The following POLR3D variants were observed in gnomAD, a reference collection of about 807,000 sequenced individuals.
POLR3D encodes the protein RNA polymerase III subunit D.
In POLR3D, 42 loss-of-function variants were observed where a neutral mutation model predicts 44.5. The ratio of observed to expected loss-of-function variants is 0.94; its 90% confidence interval spans 0.74 to 1.22. POLR3D has a LOEUF of 1.22. Ranked by LOEUF, POLR3D falls within the 50% of genes most tolerant of loss-of-function variation. The pLI, the probability that POLR3D is intolerant of heterozygous loss-of-function variation, is 0.00. For synonymous variants in POLR3D, 217 were observed against 198.1 expected (o/e 1.10, Z -0.80); for missense variants, 507 against 505.2 (o/e 1.00, Z -0.03).
Position 22,248,050 on chromosome 8 carries a change from A to G in POLR3D, c.361+42A>G, listed in dbSNP as rs753955410. ...AGTGAATTTCAGTTCAGACTGCCCC[A>G]GAGAAGGGCGAGAACAGTGGAATTT... On this transcript the variant is annotated intron_variant, in intron 4 of 8. Transcript: ENST00000306433. The G allele has an allele frequency of 5.0e-6, 8 of 1,608,672 alleles. No individual in the cohort carries two copies. The East Asian group carries it at 8.9e-5, about 18-fold the overall frequency.
chr8:22,250,753 A>C lies in POLR3D; in HGVS notation c.*235A>C, dbSNP rs146572929. The C allele has an allele frequency of 1.3e-3, 730 of 549,212 alleles. 7 individuals are homozygous for C. The highest frequency in any genetic ancestry group is 0.012 in the African/African-American group (628 of 52,796). The allele number at this position is 549,212 out of a possible 1,614,324, so 34.0% of individuals were successfully genotyped here. ...TTGCTGCTGGGGACTTGGCCCTGCT[A>C]TTTATTTTTGTATTTATGTCTTAAT... On this transcript the variant is annotated 3_prime_UTR_variant, in exon 9 of 9. Coordinates refer to ENST00000306433, the MANE Select transcript of POLR3D (RefSeq NM_001722.3).
chr8:22,246,538 C>T (rs1042615759), intron 2 of POLR3D, among the ~76,000 whole-genome samples: 2 of 151,812 alleles, frequency 1.3e-5, no homozygotes, highest in Admixed American at 1.3e-4. Context: ...CTCCGCCTCC[C>T]GGGTTCAAGC....
At position 22,250,540 on chromosome 8, in the gene POLR3D, G is replaced by T; in HGVS notation, c.*22G>T. On this transcript the variant is annotated 3_prime_UTR_variant, in exon 9 of 9. Transcript: ENST00000306433. ...GTAAAATGAGCAGGTGGAGGAGGAC[G>T]GCGCCTGTGCCCACGGCTGCTGCCT... 6.2e-7 allele frequency: 1 copy of T among 1,613,890 alleles called. No individual in the cohort carries two copies. The highest frequency in any genetic ancestry group is 2.2e-5 in the East Asian group (1 of 44,850).
rs1250284932 is a variant in POLR3D at position 22,248,667 on chromosome 8, T to A, written c.655+18T>A. ...TGTGAAAGGTACTCTGTCGGTTAAC[T>A]TCTCATCTCCAATTCCATGGCTGCT... is the stretch of plus-strand genomic sequence containing the variant. On this transcript the variant is annotated intron_variant, in intron 6 of 8. Coordinates refer to ENST00000306433, the MANE Select transcript of POLR3D (RefSeq NM_001722.3). 6.2e-7 allele frequency: 1 copy of A among 1,604,484 alleles called. No individual in the cohort carries two copies. Among genetic ancestry groups the A allele is most frequent in the Non-Finnish European group, 8.5e-7 (1 of 1,174,798 alleles).
chr8:22,247,134 AG>A, intron 2 of POLR3D, 86 bp from the exon 3 acceptor site: 1 of 975,630 alleles, frequency 1.0e-6, no homozygotes, highest in East Asian at 2.4e-5. Flanking sequence ...CTTGGTCTGT[AG>A]AAGATGCCCT....
chr8:22,250,258 C>G, intron 8 of POLR3D, 31 bp downstream of exon 8: 2 of 1,613,184 alleles, frequency 1.2e-6, no homozygotes, highest in Non-Finnish European at 8.5e-7. Context: ...AAGGAGGGAC[C>G]CTTTCAGGAG....
At position 22,250,529 on chromosome 8, in the gene POLR3D, T is replaced by A; in HGVS notation, c.*11T>A. Reference sequence around the variant, plus strand: ...CACAAACACCGGTAAAATGAGCAGGTGGAGGAGGACGGCGCCTGTGCCCAC... The same window carrying A: ...CACAAACACCGGTAAAATGAGCAGGAGGAGGAGGACGGCGCCTGTGCCCAC... On this transcript the variant is annotated 3_prime_UTR_variant, in exon 9 of 9. Transcript: ENST00000306433. The A allele has an allele frequency of 6.2e-7, 1 of 1,613,648 alleles. No individual in the cohort carries two copies. Among genetic ancestry groups the A allele is most frequent in the Non-Finnish European group, 8.5e-7 (1 of 1,179,594 alleles).
intron 2 of POLR3D, 56 bp downstream of exon 2, chr8:22,245,670 G>C: frequency 8.5e-7 from 1 of 1,172,280 alleles, no homozygotes. Flanking sequence ...CAAGCCCCAG[G>C]ATTCAACTAA....
At position 22,252,849 on chromosome 8, in the gene POLR3D, CACGGTTGGGTTTGAA is replaced by C. The variant is rs1434751525; in HGVS notation, c.*2332_*2346del. ...AGTGGCAGAGTCCAGGCTGTCGAGTCACGGTTGGGTTTGAATCTGACTCCACCAGTAACTTTGGTT... is the reference window on the plus strand; with the variant it reads ...AGTGGCAGAGTCCAGGCTGTCGAGTCTCTGACTCCACCAGTAACTTTGGTT... On this transcript the variant is annotated 3_prime_UTR_variant, in exon 9 of 9. Coordinates refer to ENST00000306433, the MANE Select transcript of POLR3D (RefSeq NM_001722.3). 2.0e-5 allele frequency: 3 copies of C among 152,190 alleles called. No homozygotes were observed. The highest frequency in any genetic ancestry group is 2.9e-5 in the Non-Finnish European group (2 of 68,038). The allele number at this position is 152,190 out of a possible 1,614,324, so 9.4% of individuals were successfully genotyped here.
intron 4 of POLR3D, 60 bp downstream of exon 4, chr8:22,248,068 T>C: frequency 6.2e-7 from 1 of 1,607,090 alleles, no homozygotes; most frequent in Non-Finnish European, 8.5e-7. Context: ...GCGAGAACAG[T>C]GGAATTTCCC....
rs928557670 is a variant in POLR3D at position 22,253,021 on chromosome 8, A to C, written c.*2503A>C. ...GAGGCATTTATTCGGTGCCAGACAGATAACTGCCTATAACAGGATGTGATC... is the reference window on the plus strand; with the variant it reads ...GAGGCATTTATTCGGTGCCAGACAGCTAACTGCCTATAACAGGATGTGATC... On this transcript the variant is annotated 3_prime_UTR_variant, in exon 9 of 9. Coordinates refer to ENST00000306433, the MANE Select transcript of POLR3D (RefSeq NM_001722.3). 1.3e-5 allele frequency: 2 copies of C among 152,222 alleles called. No homozygotes were observed. The highest frequency in any genetic ancestry group is 2.9e-5 in the Non-Finnish European group (2 of 68,042). 9.4% of individuals were successfully genotyped at this position (152,222 alleles called of 1,614,324 possible).
chr8:22,246,824 A>G (rs974772855), intron 2 of POLR3D, among the ~76,000 whole-genome samples: 18 of 152,252 alleles, frequency 1.2e-4, no homozygotes, highest in Non-Finnish European at 1.9e-4. Flanking sequence ...AAGTGTTGGC[A>G]GATCTATGGC....
At chr8:22,246,624 T>C (rs1443714580) in intron 2 of POLR3D, among the ~76,000 whole-genome samples, 2 of 152,032 alleles carry the variant, frequency 1.3e-5, no homozygotes, top group African/African-American at 4.8e-5. Flanking sequence ...TTTTGTAGTT[T>C]TTAGTAGAGA....
rs1193129719 is a variant in POLR3D, at chr8:22,253,683, T to C, written c.*3165T>C. On this transcript the variant is annotated 3_prime_UTR_variant, in exon 9 of 9. Transcript: ENST00000306433. ...ATGAGCATGTTAGTTTTGTTTTGTT[T>C]TGTTTTGTTCTGTTTTGTTTTTTGA... 1 of 152,188 alleles carries C rather than the reference T, an allele frequency of 6.6e-6. No homozygotes were observed. 9.4% of individuals were successfully genotyped at this position (152,188 alleles called of 1,614,324 possible). A position where few individuals can be genotyped will look rare whatever the true frequency, so the allele number is the denominator to read the frequency against.
rs1239057402 is a variant in POLR3D at position 22,252,061 on chromosome 8, T to TCTCCTACAGCC, written c.*1551_*1552insGCCCTCCTACA. 2.0e-5 allele frequency: 3 copies of TCTCCTACAGCC among 153,744 alleles called. No individual in the cohort carries two copies. The highest frequency in any genetic ancestry group is 4.4e-5 in the Non-Finnish European group (3 of 68,046). The allele number at this position is 153,744 out of a possible 1,614,324, so 9.5% of individuals were successfully genotyped here. A position where few individuals can be genotyped will look rare whatever the true frequency, so the allele number is the denominator to read the frequency against. ...GTTACTCATTTGTCAAGGCTGGGCT[T>TCTCCTACAGCC]CTCCTACAAAGCCCTCAACCTGCCC... On this transcript the variant is annotated 3_prime_UTR_variant, in exon 9 of 9. Coordinates refer to ENST00000306433, the MANE Select transcript of POLR3D (RefSeq NM_001722.3).
Position 22,249,159 on chromosome 8 carries a change from G to A in POLR3D, c.771G>A (p.Glu257=). The change falls in exon 7 of 9, where the codon GAG becomes GAA. Residue 257 remains glutamate, a synonymous_variant. Coordinates refer to ENST00000306433, the MANE Select transcript of POLR3D (RefSeq NM_001722.3). ...TATCTGTGGCAGAGCTGCTGAGGGA[G>A]CTGAGCCTCACCAAGGAAGAGGAAC... The part of the protein sequence containing the change: ...KDVSVAELLR[E]LSLTKEEELL... 3 of 1,614,128 alleles carry A rather than the reference G, an allele frequency of 1.9e-6. No individual in the cohort carries two copies. Among genetic ancestry groups the A allele is most frequent in the Non-Finnish European group, 2.5e-6 (3 of 1,180,008 alleles).
Position 22,248,298 on chromosome 8 carries a change from G to A in POLR3D, c.486+20G>A. On this transcript the variant is annotated intron_variant, in intron 5 of 8. Transcript: ENST00000306433. ...GACGATGTGGGTACCAGGAGGCTGG[G>A]GGAAGGGGTTTCCTTGTGGCTGTAG... The A allele has an allele frequency of 1.9e-6, 3 of 1,611,938 alleles. No homozygotes were observed. The highest frequency in any genetic ancestry group is 2.5e-6 in the Non-Finnish European group (3 of 1,178,930).
At chr8:22,249,547 T>C (rs1222484270) in intron 7 of POLR3D, among the ~76,000 whole-genome samples, 1 of 152,204 alleles carries the variant, frequency 6.6e-6, no homozygotes, top group East Asian at 1.9e-4. Flanking sequence ...AGAGAACATA[T>C]GGCCAGATGC....
chr8:22,249,990 T>A, intron 7 of POLR3D, 85 bp from the exon 8 acceptor site: 1 of 1,500,868 alleles, frequency 6.7e-7, no homozygotes, highest in Admixed American at 1.8e-5. Flanking sequence ...TTGCTGTGCC[T>A]TTCTCTTGGG....
Sources: allele counts gnomAD v4.1 joint callset (sites outside exome capture counted in the v4.1 genomes callset), GRCh38; gene constraint gnomAD v4.1.1; transcripts MANE v1.5; gene names NCBI Gene and HGNC (gene_info 2026-07-23, HGNC 2026-07-21).